Variants in MIB1 observed in about 807,000 individuals in gnomAD.
MIB1 encodes the protein E3 ubiquitin-protein ligase MIB1.
In MIB1, 278 loss-of-function variants were observed where a neutral mutation model predicts 124.5. The ratio of observed to expected loss-of-function variants is 2.23; its 90% CI spans 2.02 to 2.47. MIB1 has a LOEUF of 2.47. Among genes scored for constraint, MIB1 ranks in the 30% most tolerant of loss-of-function variants. The pLI is 0.00. For missense variants in MIB1, 957 were observed against 1,254.4 expected (o/e 0.76, Z 3.58); for synonymous variants, 446 against 429.4 (o/e 1.04, Z -0.48).
intron 7 of MIB1, among the ~76,000 whole-genome samples, chr18:21,794,442 C>CCTCT (rs147293733): frequency 0.036 from 5,275 of 144,878 alleles, 120 homozygotes; most frequent in Middle Eastern, 0.08. Context: ...CATTAAATAG[C>CCTCT]CTCTCTCTCT....
chr18:21,724,701 T>G (rs1185213000), intron 1 of MIB1, among the ~76,000 whole-genome samples: 1 of 94,610 alleles, frequency 1.1e-5, no homozygotes. Flanking sequence ...CAAAACTCTG[T>G]CTCCCCCATC....
intron 1 of MIB1, among the ~76,000 whole-genome samples, chr18:21,752,719 C>G (rs1568186940): frequency 6.6e-6 from 1 of 152,148 alleles, no homozygotes; most frequent in Non-Finnish European, 1.5e-5. Context: ...AACTTGGCAA[C>G]ATCTTGTAAA....
chr18:21,713,845 C>G (rs1352371345), intron 1 of MIB1, among the ~76,000 whole-genome samples: 1 of 151,462 alleles, frequency 6.6e-6, no homozygotes, highest in South Asian at 2.1e-4. Flanking sequence ...GTGATCCACC[C>G]TCCTCGGCCT....
chr18:21,769,867 T>C (rs1242150105), intron 3 of MIB1, among the ~76,000 whole-genome samples: 1 of 152,220 alleles, frequency 6.6e-6, no homozygotes, highest in African/African-American at 2.4e-5. Context: ...GTCATTCTGT[T>C]ACATTTTTGG....
upstream of MIB1, among the ~76,000 whole-genome samples, chr18:21,740,429 A>G (rs1683444772): frequency 1.3e-5 from 2 of 152,244 alleles, no homozygotes; most frequent in African/African-American, 4.8e-5. Flanking sequence ...AATGTTTTCA[A>G]TTTACACACA....
chr18:21,742,370 A>C (rs905688032), intron 1 of MIB1, among the ~76,000 whole-genome samples: 2 of 151,820 alleles, frequency 1.3e-5, no homozygotes, highest in Non-Finnish European at 2.9e-5. Context: ...TTTTTCATCC[A>C]AATTGTTCTA....
At chr18:21,838,127 C>G (rs1197761990) in intron 12 of MIB1, among the ~76,000 whole-genome samples, 1 of 151,998 alleles carries the variant, frequency 6.6e-6, no homozygotes, top group Non-Finnish European at 1.5e-5. Flanking sequence ...GCTAGCTGGG[C>G]ATGGTGGCAT....
rs201786447 is a variant in MIB1, at chr18:21,857,151, A to G, written c.2687A>G (p.Lys896Arg). The change falls in exon 19 of 21, where the codon AAG (lysine) becomes AGG (arginine). Residue 896 changes from lysine to arginine, a missense_variant. By Grantham distance (26) the Lys-to-Arg change is conservative. Transcript: ENST00000261537. ...ACENCANLMK[K>R]CVQCRAVVER... ...CCAGACTGTGCTAACCTGATGAAAA[A>G]GTGTGTGCAGTGTCGAGCAGTAGTT... 6.2e-7 allele frequency: 1 copy of G among 1,614,064 alleles called. No homozygotes were observed. The highest frequency in any genetic ancestry group is 2.2e-5 in the East Asian group (1 of 44,866).
At chr18:21,852,307 G>A (rs76558737) in intron 17 of MIB1, among the ~76,000 whole-genome samples, 2,175 of 152,326 alleles carry the variant, frequency 0.014, 26 homozygotes, top group Non-Finnish European at 0.023. Flanking sequence ...TAGAGAGAAA[G>A]AGAGAGAGCA....
chr18:21,742,306 A>G (rs887669936), intron 1 of MIB1, among the ~76,000 whole-genome samples: 1 of 146,156 alleles, frequency 6.8e-6, no homozygotes, highest in African/African-American at 2.6e-5. Flanking sequence ...ACCTCCTGTG[A>G]CACAGAATTA....
At chr18:21,860,281 A>T (rs1408103662) in intron 20 of MIB1, among the ~76,000 whole-genome samples, 3 of 151,096 alleles carry the variant, frequency 2.0e-5, no homozygotes, top group Non-Finnish European at 4.4e-5. Context: ...TTATATTTTT[A>T]GTAGCGATAG....
rs758234803 is a variant in MIB1 at position 21,770,698 on chromosome 18, T to C, written c.531+1946T>C. ...TTTGTTTTACAAATATGATTAAGTA[T>C]ACTAGATCATATTTGTTTTTTTGTT... On this transcript the variant is annotated intron_variant, in intron 3 of 20. Coordinates refer to ENST00000261537, the MANE Select transcript of MIB1 (RefSeq NM_020774.4). 5.1e-4 allele frequency among the ~76,000 whole-genome samples: 77 copies of C among 152,288 alleles called. 1 individual carries two copies. In the Middle Eastern group the frequency reaches 0.01, roughly 20 times the overall value.
intron 1 of MIB1, among the ~76,000 whole-genome samples, chr18:21,765,568 A>G (rs1375406512): frequency 3.9e-5 from 6 of 152,216 alleles, no homozygotes; most frequent in Admixed American, 3.9e-4. Flanking sequence ...AAAAGGGAGC[A>G]GAGGGAAAAT....
intron 12 of MIB1, among the ~76,000 whole-genome samples, chr18:21,820,191 A>G (rs2146479879): frequency 6.6e-6 from 1 of 152,320 alleles, no homozygotes; most frequent in South Asian, 2.1e-4. Flanking sequence ...TTTATGAAGG[A>G]TCTGCGGTGT....
intron 1 of MIB1, among the ~76,000 whole-genome samples, chr18:21,721,111 A>C (rs1185919331): frequency 1.6e-5 from 1 of 63,502 alleles, no homozygotes; most frequent in Admixed American, 2.0e-4. Flanking sequence ...ATAAAAAGTT[A>C]TTTTTCCTGT....
intron 1 of MIB1, among the ~76,000 whole-genome samples, chr18:21,745,673 TAAAC>T (rs770279890): frequency 1.0e-4 from 12 of 114,768 alleles, no homozygotes; most frequent in South Asian, 2.8e-4. Flanking sequence ...GCATAGGTGT[TAAAC>T]ACACACACAC....
intron 1 of MIB1, among the ~76,000 whole-genome samples, chr18:21,763,173 A>G (rs1200274123): frequency 6.6e-6 from 1 of 152,004 alleles, no homozygotes; most frequent in Admixed American, 6.6e-5. Flanking sequence ...TAATTTATAG[A>G]TGAGAATATT....
intron 1 of MIB1, among the ~76,000 whole-genome samples, chr18:21,764,172 G>A (rs1453443832): frequency 6.6e-6 from 1 of 152,074 alleles, no homozygotes; most frequent in Non-Finnish European, 1.5e-5. Flanking sequence ...TTTGGTGTTG[G>A]GGTATCAGGC....
Position 21,740,801 on chromosome 18 carries a change from T to C in MIB1, c.-783T>C, listed in dbSNP as rs2064727199. ...GCGCATGCGCACTCTCCTTGGACCC[T>C]GGAGAGACGCTTAGGGATCAGTTTT... On this transcript the variant is annotated 5_prime_UTR_variant, in exon 1 of 21. Coordinates refer to ENST00000261537, the MANE Select transcript of MIB1 (RefSeq NM_020774.4). 6.6e-6 allele frequency among the ~76,000 whole-genome samples: 1 copy of C among 152,040 alleles called. No homozygotes were observed. The highest frequency in any genetic ancestry group is 1.9e-4 in the East Asian group (1 of 5,168).
Sources: gnomAD v4.1 joint callset for allele counts (sites outside exome capture counted in the v4.1 genomes callset) on GRCh38, gnomAD v4.1.1 for gene constraint, MANE v1.5 for transcripts, NCBI Gene and HGNC (gene_info 2026-07-23, HGNC 2026-07-21) for gene names.